The following BTBD7 variants were observed in gnomAD, a reference collection of about 807,000 sequenced individuals.
The protein encoded by BTBD7 is BTB/POZ domain-containing protein 7.
A neutral mutation model predicts 99.9 loss-of-function variants in BTBD7; 38 were observed. The observed-to-expected ratio is 0.38, with a 90% confidence interval of 0.29 to 0.50. The LOEUF is 0.50. Ranked by LOEUF, BTBD7 falls within the 20% of genes least tolerant of loss-of-function variation. The pLI is 0.93. For synonymous variants in BTBD7, 520 were observed against 511.4 expected, an observed-to-expected ratio of 1.02 and a Z score of -0.23; for missense variants, 1,170 against 1,394.6, an observed-to-expected ratio of 0.84 and a Z score of 2.57.
intron 3 of BTBD7, among the ~76,000 whole-genome samples, chr14:93,268,841 C>A (rs1211416327): frequency 1.3e-5 from 2 of 151,190 alleles, no homozygotes; most frequent in Admixed American, 6.6e-5. Context: ...TCACTACAAC[C>A]ACCACCTCCT....
chr14:93,305,855 C>T (rs1285913556), intron 1 of BTBD7, among the ~76,000 whole-genome samples: 3 of 152,128 alleles, frequency 2.0e-5, no homozygotes, highest in African/African-American at 4.8e-5. Flanking sequence ...TCTTGCTGTG[C>T]CCTAACATGG....
chr14:93,319,270 C>T (rs375834804), intron 1 of BTBD7, among the ~76,000 whole-genome samples: 2 of 152,156 alleles, frequency 1.3e-5, no homozygotes, highest in East Asian at 1.9e-4. Flanking sequence ...CTGGTCCTTG[C>T]AGGATGTTAA....
At chr14:93,265,367 A>C (rs530423833) in intron 3 of BTBD7, among the ~76,000 whole-genome samples, 30 of 152,360 alleles carry the variant, frequency 2.0e-4, no homozygotes, top group African/African-American at 6.7e-4. Flanking sequence ...TCCACAAAGC[A>C]TTTAGAAAAT....
intron 10 of BTBD7, 22 bp downstream of exon 10, chr14:93,245,803 A>G (rs376218202): frequency 6.3e-7 from 1 of 1,594,242 alleles, no homozygotes; most frequent in Non-Finnish European, 8.5e-7. Context: ...ATTTGAAGCA[A>G]GTTACTGAAG....
chr14:93,300,769 TG>T (rs2052992079), intron 1 of BTBD7, among the ~76,000 whole-genome samples: 1 of 70,084 alleles, frequency 1.4e-5, no homozygotes. Flanking sequence ...TGTGTGTGTG[TG>T]TGTATATATA....
intron 1 of BTBD7, among the ~76,000 whole-genome samples, chr14:93,327,361 G>T (rs1256348473): frequency 2.0e-5 from 3 of 152,116 alleles, no homozygotes; most frequent in African/African-American, 7.2e-5. Context: ...TAGTTATTCA[G>T]ACATACATCT....
intron 7 of BTBD7, among the ~76,000 whole-genome samples, chr14:93,253,075 A>C (rs970332610): frequency 6.6e-6 from 1 of 152,170 alleles, no homozygotes; most frequent in African/African-American, 2.4e-5. Flanking sequence ...CTGAACATCT[A>C]ATAAAAATTA....
intron 3 of BTBD7, among the ~76,000 whole-genome samples, chr14:93,285,315 T>G (rs1186975545): frequency 6.6e-6 from 1 of 152,216 alleles, no homozygotes; most frequent in East Asian, 1.9e-4. Context: ...ACGAGGTCAT[T>G]GCTTTCAGTT....
rs752707109 is a variant in BTBD7, at chr14:93,294,169, C to T, written c.851G>A (p.Arg284Gln). 1.2e-6 allele frequency: 2 copies of T among 1,614,100 alleles called. No individual in the cohort carries two copies. The highest frequency in any genetic ancestry group is 1.7e-6 in the Non-Finnish European group (2 of 1,180,016). ...LKAHKAVISA[R>Q]SPFFRNLLQR... ...TAATAAATTTCGAAAAAATGGGGAC[C>T]GTGCAGAAATAACAGCCTTGTGGGC... Residue 284 changes from arginine to glutamine, a missense_variant, in exon 3 of 11, where the codon CGG (arginine) becomes CAG (glutamine). This residue lies in a region of BTBD7 where 359 missense variants were observed against 497.9 expected (regional missense o/e 0.72). Coordinates refer to ENST00000334746, the MANE Select transcript of BTBD7 (RefSeq NM_001002860.4).
intron 3 of BTBD7, among the ~76,000 whole-genome samples, chr14:93,270,507 A>C (rs192370881): frequency 6.6e-6 from 1 of 152,120 alleles, no homozygotes; most frequent in African/African-American, 2.4e-5. Context: ...AGCCTAGCCA[A>C]CATGGCGAAA....
intron 1 of BTBD7, chr14:93,332,462 GA>G (rs1290297388): frequency 6.2e-6 from 1 of 160,220 alleles, no homozygotes; most frequent in African/African-American, 2.4e-5. Flanking sequence ...TCCTGGGAGC[GA>G]CGGGTCCCGC....
At chr14:93,321,890 G>A (rs550431947) in intron 1 of BTBD7, among the ~76,000 whole-genome samples, 224 of 152,212 alleles carry the variant, frequency 1.5e-3, no homozygotes, top group Non-Finnish European at 1.1e-3. Flanking sequence ...TTTTCTTGGT[G>A]AAAATAATAG....
chr14:93,305,231 T>C (rs1475242366), intron 1 of BTBD7, among the ~76,000 whole-genome samples: 1 of 152,244 alleles, frequency 6.6e-6, no homozygotes, highest in Non-Finnish European at 1.5e-5. Context: ...AATGGCTTAA[T>C]ACTGGCTAGT....
At position 93,242,269 on chromosome 14, in the gene BTBD7, G is replaced by T. The variant is rs774736629; in HGVS notation, c.*4C>A. The T allele has an allele frequency of 1.2e-6, 2 of 1,610,160 alleles. No individual in the cohort carries two copies. The highest frequency in any genetic ancestry group is 1.7e-5 in the Admixed American group (1 of 59,900). On this transcript the variant is annotated 3_prime_UTR_variant, in exon 11 of 11. Coordinates refer to ENST00000334746, the MANE Select transcript of BTBD7 (RefSeq NM_001002860.4). ...CTCAGGCACAGACGACTTGGAGGTT[G>T]CTCTCAGAGGGCAGACTTTTTGTAG...
chr14:93,288,862 G>A, intron 3 of BTBD7: 1 of 1,124,946 alleles, frequency 8.9e-7, no homozygotes, highest in Non-Finnish European at 1.2e-6. Context: ...TATTTGCCTG[G>A]CTGGTATTAC....
intron 3 of BTBD7, among the ~76,000 whole-genome samples, chr14:93,291,393 T>C (rs1361799913): frequency 6.6e-6 from 1 of 152,188 alleles, no homozygotes; most frequent in Admixed American, 6.5e-5. Context: ...TAAGACACGG[T>C]AGAGAACTGA....
At chr14:93,309,623 AACCCTT>A (rs2053115035) in intron 1 of BTBD7, among the ~76,000 whole-genome samples, 1 of 151,982 alleles carries the variant, frequency 6.6e-6, no homozygotes, top group Non-Finnish European at 1.5e-5. Context: ...TCTATTACTC[AACCCTT>A]AAGTCTCCAG....
At chr14:93,250,282 A>C (rs2052356176) in intron 8 of BTBD7, among the ~76,000 whole-genome samples, 1 of 152,198 alleles carries the variant, frequency 6.6e-6, no homozygotes, top group South Asian at 2.1e-4. Context: ...GAATGTCTAG[A>C]CCTCTGAGAT....
At chr14:93,253,864 A>T (rs921642369) in intron 6 of BTBD7, 74 bp from the exon 7 acceptor site, 1 of 630,436 alleles carries the variant, frequency 1.6e-6, no homozygotes, top group African/African-American at 1.9e-5. Context: ...AAAAATATTT[A>T]TAACTATAAA....
Sources: gnomAD v4.1 joint callset for allele counts (sites outside exome capture counted in the v4.1 genomes callset) on GRCh38, gnomAD v4.1.1 for gene constraint, gnomAD v4.1.1 regional missense constraint, MANE v1.5 for transcripts, NCBI Gene and HGNC (gene_info 2026-07-23, HGNC 2026-07-21) for gene names.